GNL3L: variants seen among roughly 807,000 people sequenced by gnomAD.
The protein encoded by GNL3L is G protein nucleolar 3 like, also known as guanine nucleotide-binding protein-like 3-like protein.
Under a neutral mutation model 42.9 loss-of-function variants are expected in GNL3L, and 4 were observed. The ratio of observed to expected loss-of-function variants is 0.09; its 90% confidence interval spans 0.05 to 0.21. The LOEUF is 0.21. GNL3L is among the 10% of genes least tolerant of loss of function. The probability of loss-of-function intolerance (pLI) is 1.00; values close to 1 mark genes in which losing one functional copy is unlikely to be tolerated. For synonymous variants in GNL3L, 159 were observed against 176.3 expected, an observed-to-expected ratio of 0.90 and a Z score of 0.78; for missense variants, 412 against 481.7, an observed-to-expected ratio of 0.86 and a Z score of 1.36.
chrX:54,587,786 T>C (rs771935478), intron 16 of GNL3L, among the ~76,000 whole-genome samples: 2 of 110,292 alleles, frequency 1.8e-5, no homozygotes, highest in African/African-American at 6.6e-5. Context: ...GTTCAAGCGA[T>C]TCTCCTGCCT....
intron 16 of GNL3L, among the ~76,000 whole-genome samples, chrX:54,577,559 C>T (rs1438082648): frequency 9.0e-6 from 1 of 111,277 alleles, no homozygotes; most frequent in African/African-American, 3.3e-5. Flanking sequence ...ACCTTTTGAC[C>T]AACATCTTCC....
At chrX:54,573,606 A>G (rs1356681447) in intron 16 of GNL3L, among the ~76,000 whole-genome samples, 1 of 110,646 alleles carries the variant, frequency 9.0e-6, no homozygotes, top group Non-Finnish European at 1.9e-5. Flanking sequence ...GTTCACAAAT[A>G]TTTTCTTCTG....
At chrX:54,630,024 T>A in the GNL3L span, among the ~76,000 whole-genome samples, 1 of 111,432 alleles carries the variant, frequency 9.0e-6, no homozygotes, top group Admixed American at 9.6e-5. Flanking sequence ...TTCCTCTAAG[T>A]TTTCTAGTTT....
At chrX:54,594,022 C>A (rs1433216641) in intron 16 of GNL3L, among the ~76,000 whole-genome samples, 2 of 111,905 alleles carry the variant, frequency 1.8e-5, no homozygotes, top group Non-Finnish European at 3.8e-5. Context: ...CCTAACATAA[C>A]ATATGGTCTA....
chrX:54,608,566 C>G (rs1030566629), intron 16 of GNL3L, among the ~76,000 whole-genome samples: 1 of 109,961 alleles, frequency 9.1e-6, no homozygotes, highest in African/African-American at 3.3e-5. Flanking sequence ...TTTGCATCCT[C>G]ACAGCTTAGC....
chrX:54,626,134 T>C (rs1020923570), downstream of GNL3L, among the ~76,000 whole-genome samples: 11 of 111,591 alleles, frequency 9.9e-5, no homozygotes, highest in African/African-American at 3.6e-4. Flanking sequence ...AACTCATTCC[T>C]CATATCTAGC....
At chrX:54,644,604 T>C in the GNL3L span, among the ~76,000 whole-genome samples, 2 of 112,216 alleles carry the variant, frequency 1.8e-5, no homozygotes, top group African/African-American at 3.2e-5. Context: ...TCTGCACTAT[T>C]TTATTCTATT....
downstream of GNL3L, among the ~76,000 whole-genome samples, chrX:54,569,410 T>C (rs1307058112): frequency 8.9e-6 from 1 of 112,169 alleles, no homozygotes; most frequent in Non-Finnish European, 1.9e-5. Context: ...TGTGTGAGGA[T>C]TGGTAATTAG....
intron 5 of GNL3L, among the ~76,000 whole-genome samples, chrX:54,542,346 G>A (rs1924649328): frequency 9.4e-6 from 1 of 106,864 alleles, no homozygotes; most frequent in Non-Finnish European, 1.9e-5. Flanking sequence ...AACATGGGGT[G>A]TTTGGTTTTT....
rs968255060 is a variant in GNL3L, at chrX:54,607,037, T to C, written c.*46-13808T>C. Among the ~76,000 whole-genome samples the C allele has an allele frequency of 7.1e-5, 5 of 70,469 alleles. 1 individual carries two copies. The highest frequency in any genetic ancestry group is 4.7e-4 in the African/African-American group (5 of 10,726). 61.2% of individuals were successfully genotyped at this position (70,469 alleles called of 115,157 possible). On this transcript the variant is annotated intron_variant, in intron 16 of 16. Coordinates refer to the GNL3L transcript ENST00000674498. ...CTTTCTTTCTTTCTTTCTTTCTTTC[T>C]TTCTTTCTTTCTTTCTTTCTTTCTT...
intron 16 of GNL3L, among the ~76,000 whole-genome samples, chrX:54,574,508 G>A (rs1163652789): frequency 8.9e-6 from 1 of 111,932 alleles, no homozygotes; most frequent in Non-Finnish European, 1.9e-5. Flanking sequence ...TGTATAATAC[G>A]TTTCATATGC....
At chrX:54,550,251 A>G (rs1302711916) in intron 9 of GNL3L, among the ~76,000 whole-genome samples, 1 of 107,972 alleles carries the variant, frequency 9.3e-6, no homozygotes, top group Non-Finnish European at 1.9e-5. Flanking sequence ...AGAGACTTCC[A>G]TGCATGGTGA....
chrX:54,558,402 A>G (rs372259798), intron 14 of GNL3L, 34 bp from the exon 15 acceptor site: 2 of 1,008,592 alleles, frequency 2.0e-6, no homozygotes, highest in Non-Finnish European at 1.4e-6. Context: ...CTGGGGGTTA[A>G]GACCTCATCG....
chrX:54,548,461 C>G, intron 9 of GNL3L, 88 bp downstream of exon 9: 1 of 760,590 alleles, frequency 1.3e-6, no homozygotes, highest in East Asian at 3.4e-5. Context: ...GCTTCATTGT[C>G]TTTTGCGGGG....
intron 8 of GNL3L, 88 bp from the exon 9 acceptor site, chrX:54,548,141 A>G (rs1924825017): frequency 1.5e-6 from 1 of 678,603 alleles, no homozygotes. Context: ...CTCAGTGATC[A>G]TAGGGAGGCC....
At chrX:54,606,740 A>C (rs1292378958) in intron 16 of GNL3L, among the ~76,000 whole-genome samples, 2 of 107,002 alleles carry the variant, frequency 1.9e-5, no homozygotes, top group Non-Finnish European at 3.9e-5. Context: ...TCCTGGGCTC[A>C]AGTGATCCTT....
chrX:54,627,405 CAGTTTGTCTAGCT>C, the GNL3L span, among the ~76,000 whole-genome samples: 5 of 106,402 alleles, frequency 4.7e-5, no homozygotes, highest in African/African-American at 1.0e-4. Context: ...TTTTTTTTTT[CAGTTTGTCTAGCT>C]AGTGATTTAT....
At chrX:54,633,524 G>A in the GNL3L span, among the ~76,000 whole-genome samples, 1 of 111,521 alleles carries the variant, frequency 9.0e-6, no homozygotes, top group Non-Finnish European at 1.9e-5. Flanking sequence ...ACCATCAGGT[G>A]GGGGCAGGGT....
At chrX:54,636,658 T>C in the GNL3L span, among the ~76,000 whole-genome samples, 1 of 111,862 alleles carries the variant, frequency 8.9e-6, no homozygotes, top group Admixed American at 9.5e-5. Flanking sequence ...TTGCTTAGGA[T>C]GATGACCTCA....
Sources: allele counts gnomAD v4.1 joint callset (sites outside exome capture counted in the v4.1 genomes callset), GRCh38; gene constraint gnomAD v4.1.1; transcripts MANE v1.5; gene names NCBI Gene and HGNC (gene_info 2026-07-23, HGNC 2026-07-21).